IMPA2: variants seen among roughly 807,000 people sequenced by gnomAD.
The protein encoded by IMPA2 is IMP 2.
Under a neutral mutation model 35.1 loss-of-function variants are expected in IMPA2, and 32 were observed. The ratio of observed to expected loss-of-function variants is 0.91; its 90% CI spans 0.69 to 1.23. The LOEUF is 1.23. Among genes scored for constraint, IMPA2 ranks in the 50% most tolerant of loss-of-function variants. The pLI is 0.00. For synonymous variants in IMPA2, 135 were observed against 160.6 expected, an observed-to-expected ratio of 0.84 and a Z score of 1.20; for missense variants, 334 against 387.6, an observed-to-expected ratio of 0.86 and a Z score of 1.16.
At chr18:11,994,528 C>T (rs1449620246) in intron 1 of IMPA2, among the ~76,000 whole-genome samples, 2 of 152,180 alleles carry the variant, frequency 1.3e-5, no homozygotes, top group African/African-American at 2.4e-5. Flanking sequence ...CCCCAGCACC[C>T]GCCTCCTCCA....
At chr18:11,998,240 T>C (rs762243731) in intron 1 of IMPA2, among the ~76,000 whole-genome samples, 3 of 152,258 alleles carry the variant, frequency 2.0e-5, no homozygotes, top group Non-Finnish European at 2.9e-5. Context: ...CTGGTCCCTC[T>C]GGAGTTGTCC....
intron 5 of IMPA2, among the ~76,000 whole-genome samples, chr18:12,022,504 A>C (rs1488957171): frequency 8.1e-6 from 1 of 123,270 alleles, no homozygotes; most frequent in African/African-American, 2.8e-5. Context: ...GCCTGCTGAC[A>C]GAATGGGGCT....
chr18:12,023,572 C>G (rs1907795279), intron 5 of IMPA2, among the ~76,000 whole-genome samples: 2 of 152,188 alleles, frequency 1.3e-5, no homozygotes, highest in African/African-American at 4.8e-5. Context: ...GGACTTTCCT[C>G]CACCCACCCG....
At position 12,009,826 on chromosome 18, in the gene IMPA2, A is replaced by G. The variant is rs543223568; in HGVS notation, c.231-57A>G. 8.2e-6 allele frequency: 11 copies of G among 1,338,474 alleles called. No individual in the cohort carries two copies. The Admixed American group carries it at 1.7e-4, about 21-fold the overall frequency. The allele number at this position is 1,338,474 out of a possible 1,614,324, so 82.9% of individuals were successfully genotyped here. A position where few individuals can be genotyped will look rare whatever the true frequency, so the allele number is the denominator to read the frequency against. On this transcript the variant is annotated intron_variant, in intron 2 of 7. Transcript: ENST00000269159. ...CTTTAATGGGACTGGAAGCAATTTCAGGCACGTTATTCTGTGTCCTTGGTG... is the reference window on the plus strand; with the variant it reads ...CTTTAATGGGACTGGAAGCAATTTCGGGCACGTTATTCTGTGTCCTTGGTG...
intron 2 of IMPA2, 71 bp from the exon 3 acceptor site, chr18:12,009,812 C>A: frequency 8.6e-7 from 1 of 1,166,758 alleles, no homozygotes; most frequent in Non-Finnish European, 1.3e-6. Flanking sequence ...TTTAATGGGA[C>A]TGGAAGCAAT....
Position 11,987,708 on chromosome 18 carries a change from C to T in IMPA2, c.96+5943C>T, listed in dbSNP as rs556002463. Among the ~76,000 whole-genome samples, 227 of 152,244 alleles carry T rather than the reference C, an allele frequency of 1.5e-3. 2 individuals carry two copies. The South Asian group carries it at 0.015, about 10-fold the overall frequency. Reference sequence around the variant, plus strand: ...TAACGTTGCTGTGAACTTTCTTGCACATGTCTTTTGATTATGTGTGCATTT... The same window carrying T: ...TAACGTTGCTGTGAACTTTCTTGCATATGTCTTTTGATTATGTGTGCATTT... On this transcript the variant is annotated intron_variant, in intron 1 of 7. Transcript: ENST00000269159.
intron 1 of IMPA2, among the ~76,000 whole-genome samples, chr18:11,998,365 G>A (rs1281365468): frequency 6.6e-6 from 1 of 152,158 alleles, no homozygotes; most frequent in Admixed American, 6.5e-5. Context: ...CAGTGTGTTG[G>A]CAGCTTGCAC....
At chr18:12,028,685 A>T (rs975401305) in intron 6 of IMPA2, 157 bp from the exon 7 acceptor site, 67 of 847,722 alleles carry the variant, frequency 7.9e-5, no homozygotes, top group Non-Finnish European at 1.1e-4. Context: ...TGGTGGCTCC[A>T]GGCCCTATAT....
At position 12,009,942 on chromosome 18, in the gene IMPA2, C is replaced by T. The variant is rs374103594; in HGVS notation, c.290C>T (p.Thr97Met). Residue 97 changes from threonine (T) to methionine (M), a missense_variant, in exon 3 of 8, where the codon ACG becomes ATG. Thr to Met is a moderately conservative substitution (Grantham distance 81). Coordinates refer to ENST00000269159, the MANE Select transcript of IMPA2 (RefSeq NM_014214.3). ...AAGTGTGTGCTCACCCACAGCCCGA[C>T]GTGGATCATCGACCCCATCGACGGC... ...GAKCVLTHSP[T>M]WIIDPIDGTC... 20 of 1,614,144 alleles carry T rather than the reference C, an allele frequency of 1.2e-5. No homozygotes were observed. Among genetic ancestry groups the T allele is most frequent in the Admixed American group, 5.0e-5 (3 of 60,018 alleles).
intron 1 of IMPA2, among the ~76,000 whole-genome samples, chr18:11,993,123 C>G (rs115511961): frequency 6.6e-6 from 1 of 152,112 alleles, no homozygotes; most frequent in South Asian, 2.1e-4. Context: ...TGGACCAAGA[C>G]CTTTTCATAC....
Position 11,991,569 on chromosome 18 carries a change from G to A in IMPA2, c.97-7485G>A, listed in dbSNP as rs1163831752. On this transcript the variant is annotated intron_variant, in intron 1 of 7. Transcript: ENST00000269159. The surrounding 1 kb of genome is among the most constrained non-coding windows in gnomAD (Gnocchi z 4.1). ...TCAGGTTCTTCAGAGAAACAGGACC[G>A]GCAGGAGGTGGGTGGGTCCAGTCTG... is the stretch of plus-strand genomic sequence containing the variant. 6.6e-6 allele frequency among the ~76,000 whole-genome samples: 1 copy of A among 152,118 alleles called. No homozygotes were observed. Among genetic ancestry groups the A allele is most frequent in the East Asian group, 1.9e-4 (1 of 5,174 alleles).
chr18:11,982,149 A>G (rs1182202136), intron 1 of IMPA2, among the ~76,000 whole-genome samples: 3 of 152,106 alleles, frequency 2.0e-5, no homozygotes, highest in African/African-American at 7.2e-5. Flanking sequence ...CCGCGTGGGG[A>G]TCTGGCTGGG....
intron 1 of IMPA2, among the ~76,000 whole-genome samples, chr18:11,998,228 A>C (rs1907014649): frequency 6.6e-6 from 1 of 152,238 alleles, no homozygotes; most frequent in Non-Finnish European, 1.5e-5. Flanking sequence ...GCTGGACCAG[A>C]ACTGGTCCCT....
chr18:11,989,935 G>C (rs532563185), intron 1 of IMPA2, among the ~76,000 whole-genome samples: 5 of 152,154 alleles, frequency 3.3e-5, no homozygotes, highest in Non-Finnish European at 7.3e-5. Context: ...CGAGCTTTAG[G>C]GGTGGAGGAA....
At chr18:11,996,630 C>G (rs7240032) in intron 1 of IMPA2, among the ~76,000 whole-genome samples, 20,745 of 152,056 alleles carry the variant, frequency 0.14, 1,802 homozygotes, top group East Asian at 0.29. Flanking sequence ...AGACTCTGCT[C>G]TAGCTCCATG....
intron 7 of IMPA2, 75 bp downstream of exon 7, chr18:12,029,068 G>T: frequency 1.7e-6 from 2 of 1,144,146 alleles, no homozygotes; most frequent in Admixed American, 2.6e-5. Context: ...ACTTCCTGAA[G>T]TCCCCACCAA....
At chr18:11,993,039 A>G (rs606105) in intron 1 of IMPA2, among the ~76,000 whole-genome samples, 70,900 of 152,076 alleles carry the variant, frequency 0.47, 18,858 homozygotes, top group African/African-American at 0.72. Flanking sequence ...AATTAGCTGA[A>G]AAAGTCATTA....
At chr18:12,009,572 CAGA>C (rs2143803680) in intron 2 of IMPA2, among the ~76,000 whole-genome samples, 1 of 152,324 alleles carries the variant, frequency 6.6e-6, no homozygotes, top group Non-Finnish European at 1.5e-5. Context: ...AGTTTTGCTT[CAGA>C]AGATCTGTTT....
chr18:11,985,736 CAG>C (rs887162092), intron 1 of IMPA2, among the ~76,000 whole-genome samples: 15 of 152,244 alleles, frequency 9.9e-5, no homozygotes, highest in African/African-American at 3.6e-4. Flanking sequence ...GCGTGATGGA[CAG>C]GGGAGTATGC....
Sources: allele counts gnomAD v4.1 joint callset (sites outside exome capture counted in the v4.1 genomes callset), GRCh38; gene constraint gnomAD v4.1.1; non-coding constraint Gnocchi (gnomAD v3.1); transcripts MANE v1.5; gene names NCBI Gene and HGNC (gene_info 2026-07-23, HGNC 2026-07-21).